The following CFP variants were observed in gnomAD, a reference collection of about 807,000 sequenced individuals.
CFP encodes complement factor properdin, also known as properdin.
In CFP, 14 loss-of-function variants were observed where a neutral mutation model predicts 42.1. The ratio of observed to expected loss-of-function variants is 0.33; its 90% CI spans 0.22 to 0.52. The LOEUF (loss-of-function observed/expected upper bound fraction) is 0.52. Among genes scored for constraint, CFP ranks in the 20% least tolerant of loss-of-function variants. CFP has a pLI of 0.96. For missense variants in CFP, 318 were observed against 400.4 expected (o/e 0.79, Z 1.76); for synonymous variants, 149 against 160.6 (o/e 0.93, Z 0.54).
In CFP at chrX:47,627,761, C is replaced by T. The variant is rs1318599159; in HGVS notation, c.404-120G>A. 3 of 786,772 alleles carry T rather than the reference C, an allele frequency of 3.8e-6. No individual in the cohort carries two copies. The African/African-American group carries it at 6.4e-5, about 17-fold the overall frequency. The allele number at this position is 786,772 out of a possible 1,213,427, so 64.8% of individuals were successfully genotyped here. A position where few individuals can be genotyped will look rare whatever the true frequency, so the allele number is the denominator to read the frequency against. On this transcript the variant is annotated intron_variant, in intron 3 of 8. Coordinates refer to ENST00000396992, the MANE Select transcript of CFP (RefSeq NM_001145252.3). ...TATATCCTCTGCCACCATTCTGGGC[C>T]CACCATCCCCGCTCACCGGGCCTGC...
Position 47,624,314 on chromosome X carries a change from G to A in CFP, c.1371C>T (p.His457=). 3.3e-6 allele frequency: 4 copies of A among 1,210,675 alleles called. No homozygotes were observed. Among genetic ancestry groups the A allele is most frequent in the Non-Finnish European group, 4.5e-6 (4 of 895,160 alleles). Residue 457 remains histidine, a synonymous_variant, in exon 9 of 9, where the codon CAC becomes CAT. Coordinates refer to ENST00000396992, the MANE Select transcript of CFP (RefSeq NM_001145252.3). The part of the protein sequence containing the change: ...LVVEEKRPCL[H]VPACKDPEEE... Reference sequence around the variant, plus strand: ...CCTCAGGGTCTTTGCAAGCAGGCACGTGTAGACATGGTCGTTTCTCCTCCA... The same window carrying A: ...CCTCAGGGTCTTTGCAAGCAGGCACATGTAGACATGGTCGTTTCTCCTCCA...
Position 47,624,372 on chromosome X carries a change from C to T in CFP, c.1313G>A (p.Arg438Gln), listed in dbSNP as rs762270639. ...CTTCTGCCCTTGTAGCTCCTCACAC[C>T]GTGGCAGCGGTCTCCCCCAGAAGGT... ...NVTFWGRPLP[R>Q]CEELQGQKLV... The change falls in exon 9 of 9, where the codon CGG (arginine) becomes CAG (glutamine). Residue 438 changes from arginine (R) to glutamine (Q), a missense_variant. Coordinates refer to ENST00000396992, the MANE Select transcript of CFP (RefSeq NM_001145252.3). 8 of 1,207,078 alleles carry T rather than the reference C, an allele frequency of 6.6e-6. No homozygotes were observed. In the Admixed American group the frequency reaches 1.1e-4, roughly 17 times the overall value.
chrX:47,626,434 G>A lies in CFP; in HGVS notation c.1026C>T (p.Gly342=). The A allele has an allele frequency of 8.3e-7, 1 of 1,211,536 alleles. No individual in the cohort carries two copies. The highest frequency in any genetic ancestry group is 1.1e-6 in the Non-Finnish European group (1 of 895,421). ...TGCAGGTCCTCCCGCGTGACTGCTG[G>A]CCCGGGATTTCTTGACAGCTGATGG... The part of the protein sequence containing the change: ...MKSISCQEIP[G]QQSRGRTCRG... The change falls in exon 7 of 9, where the codon GGC becomes GGT. Residue 342 remains glycine, a synonymous_variant. Coordinates refer to ENST00000396992, the MANE Select transcript of CFP (RefSeq NM_001145252.3).
intron 8 of CFP, 79 bp downstream of exon 8, chrX:47,625,979 C>A (rs748485421): frequency 6.0e-4 from 506 of 842,486 alleles, no homozygotes; most frequent in Non-Finnish European, 8.4e-4. Flanking sequence ...CAGTGGAAAC[C>A]CTGGTTTCCT....
chrX:47,623,756 C>T lies in CFP; in HGVS notation c.*519G>A, dbSNP rs774523258. ...TCGGGCGGCAGGGTGCCAGCCTCGG[C>T]CACGCCTCTGCCGTTCATCCTCGAC... On this transcript the variant is annotated 3_prime_UTR_variant, in exon 9 of 9. Transcript: ENST00000396992. The T allele has an allele frequency of 1.6e-5, 2 of 121,796 alleles. No individual in the cohort carries two copies. Among genetic ancestry groups the T allele is most frequent in the South Asian group, 5.4e-4 (2 of 3,719 alleles). 10.0% of individuals were successfully genotyped at this position (121,796 alleles called of 1,213,427 possible). A position where few individuals can be genotyped will look rare whatever the true frequency, so the allele number is the denominator to read the frequency against.
At position 47,624,198 on chromosome X, in the gene CFP, G is replaced by A. The variant is rs960236393; in HGVS notation, c.*77C>T. 19 of 1,103,342 alleles carry A rather than the reference G, an allele frequency of 1.7e-5. No homozygotes were observed. The highest frequency in any genetic ancestry group is 2.3e-5 in the Non-Finnish European group (18 of 798,287). 90.9% of individuals were successfully genotyped at this position (1,103,342 alleles called of 1,213,427 possible). Reference sequence around the variant, plus strand: ...GATAGGTTGTTTTTCCTCCTTTAAGGAATCGTAGACGAACTCGAAGAGGCT... The same window carrying A: ...GATAGGTTGTTTTTCCTCCTTTAAGAAATCGTAGACGAACTCGAAGAGGCT... On this transcript the variant is annotated 3_prime_UTR_variant, in exon 9 of 9. Transcript: ENST00000396992.
At chrX:47,628,691 T>TC in intron 2 of CFP, 1 of 289,178 alleles carries the variant, frequency 3.5e-6, no homozygotes, top group Non-Finnish European at 6.6e-6. Context: ...CCCAGATCTA[T>TC]CCCCAACCCA....
In CFP at chrX:47,626,935, AG is replaced by A; in HGVS notation, c.777del (p.Trp260GlyfsTer7). The A allele has an allele frequency of 8.5e-7, 1 of 1,181,453 alleles. No homozygotes were observed. Among genetic ancestry groups the A allele is most frequent in the Non-Finnish European group, 1.1e-6 (1 of 879,923 alleles). The part of the protein sequence containing the change: ...TGLPPCPVAG[G>X]WGPWGPVSPC... ...GGGCTCACAGGGCCCCAAGGCCCCC[AG>A]CCCCCAGCCACTGTTGGAGGAGGAA... On this transcript the variant is annotated frameshift_variant, in exon 6 of 9. Transcript: ENST00000396992. LOFTEE classifies it high-confidence loss of function.
Position 47,626,058 on chromosome X carries a change from G to A in CFP, c.1244C>T (p.Pro415Leu), listed in dbSNP as rs771003975. ...RLCTPLLPKY[P>L]PTVSMVEGQG... Reference sequence around the variant, plus strand: ...AGGCATACTTTGCCCTCTCACTCACGGGTACTTGGGGAGCAAGGGTGTGCA... The same window carrying A: ...AGGCATACTTTGCCCTCTCACTCACAGGTACTTGGGGAGCAAGGGTGTGCA... The change falls in exon 8 of 9, where the codon CCG (proline) becomes CTG (leucine). Residue 415 changes from proline to leucine, a missense_variant and splice_region_variant. Transcript: ENST00000396992. The A allele has an allele frequency of 3.4e-6, 4 of 1,170,675 alleles. No homozygotes were observed. The highest frequency in any genetic ancestry group is 2.3e-4 in the Middle Eastern group (1 of 4,302).
At chrX:47,624,984 A>G in intron 8 of CFP, 1 of 111,692 alleles carries the variant, frequency 9.0e-6, no homozygotes. Flanking sequence ...TATACCCTTT[A>G]TATCTCTTTC....
intron 8 of CFP, chrX:47,625,763 T>TTAAAAA: frequency 2.7e-6 from 1 of 368,661 alleles, no homozygotes; most frequent in Non-Finnish European, 4.8e-6. Context: ...AATGGAGGCC[T>TTAAAAA]GAGTGATGGC....
rs867897196 is a variant in CFP at position 47,626,378 on chromosome X, G to A, written c.1082C>T (p.Ala361Val). Residue 361 changes from alanine (A) to valine (V), a missense_variant, in exon 7 of 9, where the codon GCC becomes GTC. Coordinates refer to ENST00000396992, the MANE Select transcript of CFP (RefSeq NM_001145252.3). ...RGRKFDGHRC[A>V]GQQQDIRHCY... ...GTGCCGGATATCCTGCTGTTGCCCG[G>A]CACATCGATGTCCGTCAAACTTGCG... 1 of 1,211,141 alleles carries A rather than the reference G, an allele frequency of 8.3e-7. No individual in the cohort carries two copies. Among genetic ancestry groups the A allele is most frequent in the Middle Eastern group, 2.3e-4 (1 of 4,337 alleles).
rs370014336 is a variant in CFP, at chrX:47,624,311, C to T, written c.1374G>A (p.Val458=). ...CTTCCTCAGGGTCTTTGCAAGCAGGCACGTGTAGACATGGTCGTTTCTCCT... is the reference window on the plus strand; with the variant it reads ...CTTCCTCAGGGTCTTTGCAAGCAGGTACGTGTAGACATGGTCGTTTCTCCT... ...VVEEKRPCLH[V]PACKDPEEEE... Residue 458 remains valine, a synonymous_variant, in exon 9 of 9, where the codon GTG becomes GTA. Coordinates refer to ENST00000396992, the MANE Select transcript of CFP (RefSeq NM_001145252.3). 19 of 1,208,134 alleles carry T rather than the reference C, an allele frequency of 1.6e-5. No homozygotes were observed. The African/African-American group carries it at 3.4e-4, about 21-fold the overall frequency.
At position 47,627,190 on chromosome X, in the gene CFP, C is replaced by G. The variant is rs781177696; in HGVS notation, c.717G>C (p.Pro239=). 7 of 1,210,558 alleles carry G rather than the reference C, an allele frequency of 5.8e-6. No homozygotes were observed. The highest frequency in any genetic ancestry group is 1.7e-5 in the African/African-American group (1 of 57,445). ...ACCTCCGCTGCTCGTAGGCTAGCCC[C>G]GGGCAGGGCTTCCCAGGAGGTTTCT... ...PSQKPPGKPC[P]GLAYEQRRCT... Residue 239 remains proline (P), a synonymous_variant, in exon 5 of 9, where the codon CCG becomes CCC. Coordinates refer to ENST00000396992, the MANE Select transcript of CFP (RefSeq NM_001145252.3).
At chrX:47,627,778 C>T (rs1028688202) in intron 3 of CFP, 137 bp from the exon 4 acceptor site, 19 of 695,043 alleles carry the variant, frequency 2.7e-5, no homozygotes, top group Middle Eastern at 4.9e-4. Context: ...CCCCGCTCAC[C>T]GGGCCTGCCG....
rs2057972133 is a variant in CFP at position 47,627,158 on chromosome X, C to T, written c.749G>A (p.Gly250Asp). ...TGGTGTACCTGGGCAGGGTGGCAGG[C>T]CGGTGCACCTCCGCTGCTCGTAGGC... ...GLAYEQRRCT[G>D]LPPCPVAGGW... Residue 250 changes from glycine to aspartate, a missense_variant, in exon 5 of 9, where the codon GGC becomes GAC. Gly to Asp is a moderately conservative substitution (Grantham distance 94, BLOSUM62 -1). Coordinates refer to ENST00000396992, the MANE Select transcript of CFP (RefSeq NM_001145252.3). 8.3e-7 allele frequency: 1 copy of T among 1,211,767 alleles called. No homozygotes were observed. The highest frequency in any genetic ancestry group is 1.8e-5 in the South Asian group (1 of 56,904).
Position 47,627,570 on chromosome X carries a change from G to A in CFP, c.475C>T (p.Arg159Cys), listed in dbSNP as rs1454386310. 15 of 1,203,558 alleles carry A rather than the reference G, an allele frequency of 1.2e-5. No homozygotes were observed. Among genetic ancestry groups the A allele is most frequent in the Non-Finnish European group, 1.7e-5 (15 of 891,929 alleles). ...SVTCSKGTRT[R>C]RRACNHPAPK... ...GCAGGGTGATTACAGGCTCGCCTGC[G>A]GGTCCGGGTCCCTTTGGAGCAGGTG... The change falls in exon 4 of 9, where the codon CGC becomes TGC. Residue 159 changes from arginine to cysteine, a missense_variant. Physicochemically the swap from Arg to Cys is radical, Grantham distance 180. Coordinates refer to ENST00000396992, the MANE Select transcript of CFP (RefSeq NM_001145252.3).
upstream of CFP, chrX:47,630,026 C>G (rs2057985138): frequency 2.1e-6 from 1 of 485,313 alleles, no homozygotes; most frequent in Admixed American, 3.1e-5. Context: ...CATTTCCTGT[C>G]TTACTCTTGG....
rs1261378312 is a variant in CFP, at chrX:47,629,552, G to A, written c.199C>T (p.Arg67Cys). The change falls in exon 2 of 9, where the codon CGT becomes TGT. Residue 67 changes from arginine (R) to cysteine (C), a missense_variant. Physicochemically the swap from Arg to Cys is radical, Grantham distance 180 (BLOSUM62 -3). Transcript: ENST00000396992. ...CLNTAFAYQK[R>C]SGGLCQPCRS... Reference sequence around the variant, plus strand: ...CAAGGCTGACAGAGCCCACCACTACGTTTCTGGTAGGCAAAGGCAGTGTTG... The same window carrying A: ...CAAGGCTGACAGAGCCCACCACTACATTTCTGGTAGGCAAAGGCAGTGTTG... 2.9e-6 allele frequency: 3 copies of A among 1,046,211 alleles called. No homozygotes were observed. The highest frequency in any genetic ancestry group is 3.9e-5 in the African/African-American group (2 of 51,508). The allele number at this position is 1,046,211 out of a possible 1,213,427, so 86.2% of individuals were successfully genotyped here. A position where few individuals can be genotyped will look rare whatever the true frequency, so the allele number is the denominator to read the frequency against.
Sources: gnomAD v4.1 joint callset for allele counts on GRCh38, gnomAD v4.1.1 for gene constraint, MANE v1.5 for transcripts, NCBI Gene and HGNC (gene_info 2026-07-23, HGNC 2026-07-21) for gene names.